Variants in FCHSD2 observed in about 807,000 individuals in gnomAD.
The protein encoded by FCHSD2 is F-BAR and double SH3 domains protein 2.
In FCHSD2, 38 loss-of-function variants were observed where a neutral mutation model predicts 108.1. The ratio of observed to expected loss-of-function variants is 0.35; its 90% CI spans 0.27 to 0.46. The LOEUF (loss-of-function observed/expected upper bound fraction) is 0.46. FCHSD2 is among the 20% of genes least tolerant of loss of function. The probability of loss-of-function intolerance (pLI) is 1.00; values close to 1 mark genes in which losing one functional copy is unlikely to be tolerated. For synonymous variants in FCHSD2, 279 were observed against 314.7 expected, an observed-to-expected ratio of 0.89 and a Z score of 1.20; for missense variants, 751 against 897.8, an observed-to-expected ratio of 0.84 and a Z score of 2.09.
intron 3 of FCHSD2, among the ~76,000 whole-genome samples, chr11:73,030,199 T>C (rs773514717): frequency 6.6e-6 from 1 of 152,174 alleles, no homozygotes; most frequent in Non-Finnish European, 1.5e-5. Context: ...CCTATGTATA[T>C]GTATGCGTGT....
intron 2 of FCHSD2, among the ~76,000 whole-genome samples, chr11:73,134,712 T>C (rs1449112704): frequency 6.6e-6 from 1 of 152,250 alleles, no homozygotes; most frequent in Non-Finnish European, 1.5e-5. Flanking sequence ...TAAGTGTCTT[T>C]GACTTTGGTG....
intron 5 of FCHSD2, among the ~76,000 whole-genome samples, chr11:72,999,705 G>A (rs1229470722): frequency 6.6e-6 from 1 of 152,180 alleles, no homozygotes; most frequent in Non-Finnish European, 1.5e-5. Context: ...ACCAGAGGTA[G>A]TTAAACTCTC....
chr11:73,118,830 T>C (rs1860665078), intron 2 of FCHSD2, among the ~76,000 whole-genome samples: 1 of 152,112 alleles, frequency 6.6e-6, no homozygotes, highest in Non-Finnish European at 1.5e-5. Context: ...GATGAGAAAA[T>C]TGAAGCACAT....
At chr11:73,051,276 T>C (rs1240786797) in intron 3 of FCHSD2, among the ~76,000 whole-genome samples, 3 of 152,032 alleles carry the variant, frequency 2.0e-5, no homozygotes, top group African/African-American at 2.4e-5. Context: ...GATTGCATTA[T>C]TGCACTTCAG....
chr11:72,900,286 CAG>C, intron 10 of FCHSD2: 3 of 1,502,794 alleles, frequency 2.0e-6, no homozygotes, highest in Non-Finnish European at 2.7e-6. Context: ...AGAGCACTGA[CAG>C]GGGAGAGCTC....
chr11:72,940,356 T>C (rs753171023), intron 8 of FCHSD2: 2 of 440,688 alleles, frequency 4.5e-6, no homozygotes, highest in Non-Finnish European at 8.1e-6. Context: ...AGAAACATGC[T>C]AGTTTCTAAA....
chr11:73,019,772 C>T (rs952352638), intron 3 of FCHSD2, among the ~76,000 whole-genome samples: 1 of 152,212 alleles, frequency 6.6e-6, no homozygotes, highest in South Asian at 2.1e-4. Context: ...TGAAAGCATT[C>T]TATGCTTAAA....
At chr11:72,845,872 G>A (rs1406675844) in intron 14 of FCHSD2, among the ~76,000 whole-genome samples, 3 of 151,800 alleles carry the variant, frequency 2.0e-5, no homozygotes, top group Non-Finnish European at 4.4e-5. Context: ...TTCTTTTTTC[G>A]TACTAGAATA....
chr11:73,088,625 C>T (rs377434750), intron 2 of FCHSD2, among the ~76,000 whole-genome samples: 5 of 152,154 alleles, frequency 3.3e-5, no homozygotes, highest in African/African-American at 1.2e-4. Context: ...AAAAAATGCA[C>T]ATTCATAAAC....
intron 2 of FCHSD2, among the ~76,000 whole-genome samples, chr11:73,101,345 TG>T (rs1181690126): frequency 6.6e-6 from 1 of 152,180 alleles, no homozygotes; most frequent in African/African-American, 2.4e-5. Flanking sequence ...ACTAAAACAT[TG>T]TAAATCTAAG....
chr11:73,126,619 A>T (rs891977422), intron 2 of FCHSD2, among the ~76,000 whole-genome samples: 2 of 145,728 alleles, frequency 1.4e-5, no homozygotes, highest in Non-Finnish European at 2.9e-5. Flanking sequence ...ATATCTGTTA[A>T]ATATCTGTTA....
intron 3 of FCHSD2, among the ~76,000 whole-genome samples, chr11:73,078,932 C>T (rs534487215): frequency 6.6e-5 from 10 of 152,036 alleles, no homozygotes; most frequent in African/African-American, 2.2e-4. Flanking sequence ...GTTGTCAGGC[C>T]GGTCTGAAAC....
At chr11:73,062,461 C>CTTCA (rs1304276188) in intron 3 of FCHSD2, among the ~76,000 whole-genome samples, 6 of 152,156 alleles carry the variant, frequency 3.9e-5, no homozygotes, top group African/African-American at 1.4e-4. Flanking sequence ...CAGAAATAGG[C>CTTCA]TTCAGAAGGT....
At chr11:73,018,315 A>G (rs927756320) in intron 3 of FCHSD2, among the ~76,000 whole-genome samples, 7 of 152,202 alleles carry the variant, frequency 4.6e-5, no homozygotes, top group Non-Finnish European at 7.4e-5. Context: ...ACCAGAGACC[A>G]CAATCTAGGC....
chr11:72,873,628 G>C (rs1205792156), intron 12 of FCHSD2, among the ~76,000 whole-genome samples: 1 of 152,000 alleles, frequency 6.6e-6, no homozygotes, highest in African/African-American at 2.4e-5. Context: ...CTTAGGCTTT[G>C]GTGTTATATC....
At chr11:73,065,565 T>C (rs1859271203) in intron 3 of FCHSD2, among the ~76,000 whole-genome samples, 2 of 152,290 alleles carry the variant, frequency 1.3e-5, no homozygotes, top group South Asian at 2.1e-4. Flanking sequence ...GGAAGTCAAA[T>C]TGTCTCTGTT....
At chr11:73,111,407 C>T (rs962318479) in intron 2 of FCHSD2, among the ~76,000 whole-genome samples, 2 of 151,752 alleles carry the variant, frequency 1.3e-5, no homozygotes, top group African/African-American at 4.8e-5. Flanking sequence ...CTGATATATG[C>T]ATAGCTACTC....
chr11:73,016,656 T>C (rs140697681), intron 3 of FCHSD2, among the ~76,000 whole-genome samples: 3 of 152,340 alleles, frequency 2.0e-5, no homozygotes, highest in South Asian at 2.1e-4. Context: ...TAGACAGATA[T>C]ATACTGGCAT....
At chr11:72,927,451 G>A (rs1409028537) in intron 8 of FCHSD2, among the ~76,000 whole-genome samples, 2 of 152,312 alleles carry the variant, frequency 1.3e-5, no homozygotes, top group South Asian at 2.1e-4. Flanking sequence ...CTCTGATGGG[G>A]GATGTTGATA....
Sources: gnomAD v4.1 joint callset for allele counts (sites outside exome capture counted in the v4.1 genomes callset) on GRCh38, gnomAD v4.1.1 for gene constraint, MANE v1.5 for transcripts, NCBI Gene and HGNC (gene_info 2026-07-23, HGNC 2026-07-21) for gene names.